The following MEI4 variants were observed in gnomAD, a reference collection of about 807,000 sequenced individuals.
The protein encoded by MEI4 is meiosis-specific protein MEI4.
MEI4 carries 27 observed loss-of-function variants against 31.4 expected under a neutral mutation model. The observed-to-expected ratio is 0.86, with a 90% CI of 0.63 to 1.19. MEI4 has a LOEUF of 1.19. Among genes scored for constraint, MEI4 ranks in the 50% most tolerant of loss-of-function variants. The pLI is 0.00. For synonymous variants in MEI4, 122 were observed against 145.4 expected (o/e 0.84, Z 1.16); for missense variants, 329 against 398.9 (o/e 0.82, Z 1.49).
chr6:77,747,679 G>T (rs1445488521), intron 2 of MEI4, among the ~76,000 whole-genome samples: 1 of 152,038 alleles, frequency 6.6e-6, no homozygotes, highest in Admixed American at 6.6e-5. Context: ...TCCACCACTG[G>T]TCCCTCTCAA....
rs55947073 is a variant in MEI4 at position 77,883,745 on chromosome 6, A to ATATATATATATATATCTAT, written c.901-39344_901-39343insTATATATATATATATCTAT. Among the ~76,000 whole-genome samples, 46 of 82,300 alleles carry ATATATATATATATATCTAT rather than the reference A, an allele frequency of 5.6e-4. 1 individual carries two copies. The highest frequency in any genetic ancestry group is 3.6e-3 in the East Asian group (6 of 1,660). 54.0% of individuals were successfully genotyped at this position (82,300 alleles called of 152,430 possible). ...ATATATATATATATATATATATATA[A>ATATATATATATATATCTAT]CTTTGTCTTTGTCTATTCATTTATT... is the stretch of plus-strand genomic sequence containing the variant. On this transcript the variant is annotated intron_variant, in intron 4 of 4. Transcript: ENST00000684080.
rs538573369 is a variant in MEI4 at position 77,922,989 on chromosome 6, A to G, written c.901-100A>G. The G allele has an allele frequency of 6.2e-6, 4 of 642,612 alleles. No homozygotes were observed. The African/African-American group carries it at 7.6e-5, about 12-fold the overall frequency. The allele number at this position is 642,612 out of a possible 1,614,324, so 39.8% of individuals were successfully genotyped here. On this transcript the variant is annotated intron_variant, in intron 4 of 4. Coordinates refer to ENST00000684080, the MANE Select transcript of MEI4 (RefSeq NM_001322247.2). ...GATGACAGAAGGTGTTAAATATTTC[A>G]AATATATTTCGTTTGCCTGAAACTC...
Position 77,795,309 on chromosome 6 carries a change from C to G in MEI4, c.769-33622C>G, listed in dbSNP as rs529732617. On this transcript the variant is annotated intron_variant, in intron 3 of 4. Transcript: ENST00000684080. ...CCAACAATTTTACTCCTCGCTCATG[C>G]TTTGTGGAGTTTAGAGATCCAAATT... Among the ~76,000 whole-genome samples, 4 of 152,150 alleles carry G rather than the reference C, an allele frequency of 2.6e-5. 1 individual carries two copies. The South Asian group carries it at 8.3e-4, about 31-fold the overall frequency.
intron 4 of MEI4, among the ~76,000 whole-genome samples, chr6:77,870,145 A>G (rs940124881): frequency 1.1e-4 from 17 of 152,318 alleles, no homozygotes; most frequent in African/African-American, 4.1e-4. Flanking sequence ...AGATAGTATG[A>G]AAGTGATACC....
chr6:77,735,172 T>C (rs918351826), intron 2 of MEI4, among the ~76,000 whole-genome samples: 6 of 152,024 alleles, frequency 3.9e-5, no homozygotes, highest in South Asian at 2.1e-4. Flanking sequence ...TGAATTTGAA[T>C]GTTGGCCTGC....
chr6:77,741,460 T>TACTGATTACCA (rs1205215530), intron 2 of MEI4, among the ~76,000 whole-genome samples: 1 of 151,944 alleles, frequency 6.6e-6, no homozygotes, highest in African/African-American at 2.4e-5. Flanking sequence ...ATTGTGGTAA[T>TACTGATTACCA]CAGTTCAAGA....
intron 3 of MEI4, among the ~76,000 whole-genome samples, chr6:77,798,886 C>T (rs1052367705): frequency 5.3e-5 from 8 of 151,732 alleles, no homozygotes; most frequent in Admixed American, 4.6e-4. Context: ...TTAATCCAGT[C>T]TATCATTGTT....
At chr6:77,884,453 C>A (rs1771573470) in intron 4 of MEI4, among the ~76,000 whole-genome samples, 1 of 152,120 alleles carries the variant, frequency 6.6e-6, no homozygotes. Context: ...TGAAGCATTT[C>A]CCCTGTTTTC....
intron 1 of MEI4, among the ~76,000 whole-genome samples, chr6:77,659,566 C>T (rs918491765): frequency 6.6e-6 from 1 of 152,078 alleles, no homozygotes; most frequent in Non-Finnish European, 1.5e-5. Flanking sequence ...TACGAGCAAC[C>T]TTTCACTGTT....
chr6:77,797,443 G>A (rs1769108630), intron 3 of MEI4, among the ~76,000 whole-genome samples: 1 of 152,056 alleles, frequency 6.6e-6, no homozygotes, highest in Non-Finnish European at 1.5e-5. Context: ...AGGAGAATTG[G>A]CTTACACGAT....
chr6:77,901,689 C>T (rs1766191870), intron 4 of MEI4, among the ~76,000 whole-genome samples: 1 of 151,798 alleles, frequency 6.6e-6, no homozygotes, highest in Non-Finnish European at 1.5e-5. Flanking sequence ...TTATTGTTTC[C>T]TTGGCTGTTC....
chr6:77,806,315 G>A (rs567166180), intron 3 of MEI4, among the ~76,000 whole-genome samples: 1 of 152,224 alleles, frequency 6.6e-6, no homozygotes, highest in South Asian at 2.1e-4. Context: ...GTGTCTCTCA[G>A]TGTCTATAAT....
intron 1 of MEI4, among the ~76,000 whole-genome samples, chr6:77,685,196 G>C (rs1769031835): frequency 6.6e-6 from 1 of 151,728 alleles, no homozygotes; most frequent in South Asian, 2.1e-4. Context: ...TTTTCATTGG[G>C]TTATTATATT....
rs1766748759 is a variant in MEI4 at position 77,923,106 on chromosome 6, T to C, written c.918T>C (p.Asp306=). 1 of 1,230,170 alleles carries C rather than the reference T, an allele frequency of 8.1e-7. No homozygotes were observed. Among genetic ancestry groups the C allele is most frequent in the African/African-American group, 1.6e-5 (1 of 64,280 alleles). The allele number at this position is 1,230,170 out of a possible 1,614,324, so 76.2% of individuals were successfully genotyped here. The change falls in exon 5 of 5, where the codon GAT becomes GAC. Residue 306 remains aspartate (D), a synonymous_variant. Transcript: ENST00000684080. ...GAINQEQASY[D]VSRYENIFYL... ...ATTTGTAGGAGCAAGCCAGTTATGATGTGTCACGCTATGAAAACATTTTCT... is the reference window on the plus strand; with the variant it reads ...ATTTGTAGGAGCAAGCCAGTTATGACGTGTCACGCTATGAAAACATTTTCT...
intron 1 of MEI4, among the ~76,000 whole-genome samples, chr6:77,666,460 A>G (rs183300211): frequency 2.0e-4 from 31 of 152,306 alleles, no homozygotes; most frequent in African/African-American, 7.5e-4. Flanking sequence ...AAGTGGATCA[A>G]GCATTGCAAT....
chr6:77,913,738 A>G (rs1162859942), intron 4 of MEI4, among the ~76,000 whole-genome samples: 4 of 150,008 alleles, frequency 2.7e-5, no homozygotes, highest in Non-Finnish European at 3.0e-5. Context: ...TTTTTTTTAG[A>G]AAAACTTTTG....
intron 4 of MEI4, among the ~76,000 whole-genome samples, chr6:77,834,062 C>G (rs926943974): frequency 6.6e-6 from 1 of 151,986 alleles, no homozygotes; most frequent in African/African-American, 2.4e-5. Flanking sequence ...TTAAAGAATA[C>G]CAACTTAGCT....
intron 2 of MEI4, among the ~76,000 whole-genome samples, chr6:77,699,566 T>C (rs1766158611): frequency 6.6e-6 from 1 of 152,214 alleles, no homozygotes; most frequent in African/African-American, 2.4e-5. Context: ...TCTGAAGCCT[T>C]CTTCTCTCAA....
At chr6:77,745,940 A>C (rs555657685) in intron 2 of MEI4, among the ~76,000 whole-genome samples, 1 of 152,328 alleles carries the variant, frequency 6.6e-6, no homozygotes, top group East Asian at 1.9e-4. Flanking sequence ...AAGACACAAC[A>C]TACCAGAATC....
Sources: allele counts gnomAD v4.1 joint callset (sites outside exome capture counted in the v4.1 genomes callset), GRCh38; gene constraint gnomAD v4.1.1; transcripts MANE v1.5; gene names NCBI Gene and HGNC (gene_info 2026-07-23, HGNC 2026-07-21).